Variants in COPG1 observed in about 807,000 individuals in gnomAD.
The protein encoded by COPG1 is coat protein complex I subunit gamma 1.
Under a neutral mutation model 102.8 loss-of-function variants are expected in COPG1, and 29 were observed. That is an observed-to-expected ratio of 0.28 (90% confidence interval 0.21 to 0.38). The LOEUF is 0.38. COPG1 is among the 10% of genes least tolerant of loss of function. COPG1 has a pLI of 1.00. For missense variants in COPG1, 875 were observed against 1,132.7 expected (o/e 0.77, Z 3.27); for synonymous variants, 406 against 421.6 (o/e 0.96, Z 0.45).
chr3:129,260,863 C>A (rs1576964193), intron 12 of COPG1, 56 bp downstream of exon 12: 5 of 1,559,008 alleles, frequency 3.2e-6, no homozygotes, highest in East Asian at 2.2e-5. Flanking sequence ...TCTGTCCCTG[C>A]TCTCTGTGGC....
intron 18 of COPG1, among the ~76,000 whole-genome samples, chr3:129,269,494 CA>C (rs1369137760): frequency 6.6e-6 from 1 of 152,082 alleles, no homozygotes; most frequent in Non-Finnish European, 1.5e-5. Context: ...TAGATAAAAG[CA>C]TAGACCCCTC....
chr3:129,249,639 C>G lies in COPG1; in HGVS notation c.-71C>G. ...CCCGGAAGTGGTCCCTGTAGAACCA[C>G]TGTGGCACCGCTACTCCGTGCCGCG... On this transcript the variant is annotated 5_prime_UTR_variant, in exon 1 of 24. Coordinates refer to ENST00000314797, the MANE Select transcript of COPG1 (RefSeq NM_016128.4). 1.3e-6 allele frequency: 2 copies of G among 1,529,182 alleles called. No individual in the cohort carries two copies. The highest frequency in any genetic ancestry group is 4.9e-5 in the East Asian group (2 of 40,718). 94.7% of individuals were successfully genotyped at this position (1,529,182 alleles called of 1,614,324 possible). A position where few individuals can be genotyped will look rare whatever the true frequency, so the allele number is the denominator to read the frequency against.
rs143401681 is a variant in COPG1, at chr3:129,262,542, C to T, written c.1129-1362C>T. The stretch of plus-strand genomic sequence containing the variant: ...TGCTGGGATTACAGACGTGAGCCAC[C>T]GCACTCGGCCTACAGAAAATTTTTT... On this transcript the variant is annotated intron_variant, in intron 12 of 23. Transcript: ENST00000314797. 5.2e-3 allele frequency among the ~76,000 whole-genome samples: 794 copies of T among 152,092 alleles called. 3 individuals carry two copies. Among genetic ancestry groups the T allele is most frequent in the African/African-American group, 0.014 (582 of 41,506 alleles).
chr3:129,256,316 GT>G (rs1169886664), intron 8 of COPG1, among the ~76,000 whole-genome samples, 162 bp downstream of exon 8: 1 of 152,210 alleles, frequency 6.6e-6, no homozygotes, highest in Non-Finnish European at 1.5e-5. Flanking sequence ...GAGGTCCTGG[GT>G]TAGAGAATCC....
chr3:129,257,941 A>T, intron 10 of COPG1, 81 bp downstream of exon 10: 1 of 1,544,528 alleles, frequency 6.5e-7, no homozygotes, highest in East Asian at 2.3e-5. Context: ...TAGGAGAAAG[A>T]AAGAAAATGC....
chr3:129,249,782 ACCCCCACCC>A lies in COPG1; in HGVS notation c.37+37_37+45del. 4 of 1,512,812 alleles carry A rather than the reference ACCCCCACCC, an allele frequency of 2.6e-6. No individual in the cohort carries two copies. In the South Asian group the frequency reaches 5.3e-5, roughly 20 times the overall value. 93.7% of individuals were successfully genotyped at this position (1,512,812 alleles called of 1,614,324 possible). On this transcript the variant is annotated intron_variant, in intron 1 of 23. Transcript: ENST00000314797. ...CAGGCCTGGGTCTGAGGGAGGCCGG[ACCCCCACCC>A]GCCGAGCTTTCCTTCTGGTTCTCTG...
chr3:129,267,915 C>G, intron 15 of COPG1, 22 bp from the exon 16 acceptor site: 2 of 1,606,026 alleles, frequency 1.2e-6, no homozygotes, highest in Non-Finnish European at 1.7e-6. Context: ...CCAGTCAGGA[C>G]CACCTTGTGT....
chr3:129,258,328 A>G (rs571506246), intron 10 of COPG1, among the ~76,000 whole-genome samples: 16 of 152,304 alleles, frequency 1.1e-4, no homozygotes, highest in African/African-American at 3.6e-4. Context: ...CATCCTCTCC[A>G]TGCCTTCCTT....
chr3:129,275,382 G>T lies in COPG1; in HGVS notation c.2494+90G>T. 1.1e-6 allele frequency: 1 copy of T among 899,250 alleles called. No individual in the cohort carries two copies. The highest frequency in any genetic ancestry group is 2.4e-5 in the Admixed American group (1 of 42,422). 55.7% of individuals were successfully genotyped at this position (899,250 alleles called of 1,614,324 possible). ...GGCTAAGGACTCCACTGTAAATATG[G>T]GGAGTCAAAATTCACAGCATTTAAA... is the stretch of plus-strand genomic sequence containing the variant. On this transcript the variant is annotated intron_variant, in intron 23 of 23. Coordinates refer to ENST00000314797, the MANE Select transcript of COPG1 (RefSeq NM_016128.4). The surrounding 1 kb of genome is among the most constrained non-coding windows in gnomAD (Gnocchi z 5.0).
chr3:129,252,801 G>T, intron 4 of COPG1, 75 bp from the exon 5 acceptor site: 2 of 1,558,608 alleles, frequency 1.3e-6, no homozygotes, highest in Non-Finnish European at 1.8e-6. Flanking sequence ...CCTTTGTGGA[G>T]ACAGGAGGTA....
Position 129,277,762 on chromosome 3 carries a change from G to GT in COPG1, c.*339dup. ...TCTTATCCCTGTAATAAATCAGCAT[G>GT]TATTTATTGAATGATTGCTACTTCT... On this transcript the variant is annotated 3_prime_UTR_variant, in exon 24 of 24. Coordinates refer to ENST00000314797, the MANE Select transcript of COPG1 (RefSeq NM_016128.4). 1 of 252,860 alleles carries GT rather than the reference G, an allele frequency of 4.0e-6. No homozygotes were observed. The highest frequency in any genetic ancestry group is 4.9e-5 in the Admixed American group (1 of 20,426). The allele number at this position is 252,860 out of a possible 1,614,324, so 15.7% of individuals were successfully genotyped here.
In COPG1 at chr3:129,277,336, T is replaced by A. The variant is rs751490469; in HGVS notation, c.2537T>A (p.Leu846Gln). The change falls in exon 24 of 24, where the codon CTG becomes CAG. Residue 846 changes from leucine to glutamine, a missense_variant. Leu to Gln is a moderately radical substitution (Grantham distance 113). Coordinates refer to ENST00000314797, the MANE Select transcript of COPG1 (RefSeq NM_016128.4). The part of the protein sequence containing the change: ...GGHDILVRSR[L>Q]LLLDTVTMQV... ...CATGACATCCTGGTGCGCTCCCGGC[T>A]GCTGCTTTTGGACACAGTGACAATG... is the stretch of plus-strand genomic sequence containing the variant. The A allele has an allele frequency of 6.2e-7, 1 of 1,614,094 alleles. No homozygotes were observed. Among genetic ancestry groups the A allele is most frequent in the Admixed American group, 1.7e-5 (1 of 60,006 alleles).
chr3:129,255,108 G>C (rs1939779823), intron 7 of COPG1, 31 bp downstream of exon 7: 2 of 1,470,862 alleles, frequency 1.4e-6, no homozygotes, highest in Admixed American at 3.5e-5. Context: ...CCCTGCTGGG[G>C]GTGGGGTAGA....
chr3:129,252,284 C>T lies in COPG1; in HGVS notation c.94C>T (p.Arg32Cys), dbSNP rs1418046932. ...LEKSAVLQEARVFNETPINPR... is the reference protein window; with the variant it reads ...LEKSAVLQEACVFNETPINPR... ...ATCTTTGGTCATTTCTTCTTAGGCC[C>T]GTGTATTTAATGAAACTCCCATCAA... Residue 32 changes from arginine (R) to cysteine (C), a missense_variant, in exon 3 of 24, where the codon CGT becomes TGT. Arg to Cys is a radical substitution (Grantham distance 180, BLOSUM62 -3). Coordinates refer to ENST00000314797, the MANE Select transcript of COPG1 (RefSeq NM_016128.4). 8 of 1,603,382 alleles carry T rather than the reference C, an allele frequency of 5.0e-6. No homozygotes were observed. The highest frequency in any genetic ancestry group is 2.2e-5 in the South Asian group (2 of 90,816).
Position 129,277,400 on chromosome 3 carries a change from C to G in COPG1, c.2601C>G (p.Asp867Glu), listed in dbSNP as rs142227526. Residue 867 changes from aspartate to glutamate, a missense_variant, in exon 24 of 24, where the codon GAC (aspartate) becomes GAG (glutamate). Asp to Glu is a conservative substitution (Grantham distance 45, BLOSUM62 2). Transcript: ENST00000314797. ...TARSLEELPV[D>E]IILASVG The stretch of plus-strand genomic sequence containing the variant: ...GAAGTTTGGAGGAGCTGCCAGTAGA[C>G]ATCATCTTGGCATCTGTGGGATAAG... The G allele has an allele frequency of 1.2e-6, 2 of 1,613,894 alleles. No individual in the cohort carries two copies. Among genetic ancestry groups the G allele is most frequent in the South Asian group, 2.2e-5 (2 of 91,072 alleles).
At chr3:129,254,375 G>C (rs1272053732) in intron 5 of COPG1, 1 of 350,308 alleles carries the variant, frequency 2.9e-6, no homozygotes, top group Non-Finnish European at 5.2e-6. Context: ...TGCAAAGGCT[G>C]GAGAGGAGTG....
At chr3:129,254,908 C>T (rs1048689802) in intron 6 of COPG1, 77 bp from the exon 7 acceptor site, 2 of 1,293,132 alleles carry the variant, frequency 1.5e-6, no homozygotes, top group East Asian at 2.3e-5. Flanking sequence ...ATACTCATCT[C>T]TGCCCCCATT....
At chr3:129,249,985 A>T (rs1471777094) in intron 1 of COPG1, among the ~76,000 whole-genome samples, 1 of 139,142 alleles carries the variant, frequency 7.2e-6, no homozygotes, top group Non-Finnish European at 1.6e-5. Context: ...CCCCCCCCCC[A>T]GGCCTCAATT....
chr3:129,257,350 T>C, intron 8 of COPG1, 120 bp from the exon 9 acceptor site: 1 of 1,005,740 alleles, frequency 9.9e-7, no homozygotes, highest in Admixed American at 1.8e-5. Flanking sequence ...CCACTCTGTG[T>C]GGTAGCTGCT....
Sources: gnomAD v4.1 joint callset for allele counts (sites outside exome capture counted in the v4.1 genomes callset) on GRCh38, gnomAD v4.1.1 for gene constraint, Gnocchi (gnomAD v3.1) non-coding constraint, MANE v1.5 for transcripts, NCBI Gene and HGNC (gene_info 2026-07-23, HGNC 2026-07-21) for gene names.